The following PCED1B variants were observed in gnomAD, a reference collection of about 807,000 sequenced individuals.
PCED1B encodes the protein PC-esterase domain containing 1B.
For missense variants in PCED1B, 573 were observed against 573.9 expected (o/e 1.00, Z 0.02); for synonymous variants, 251 against 246.1 (o/e 1.02, Z -0.19).
At chr12:47,111,331 A>G (rs529955070) in intron 2 of PCED1B, among the ~76,000 whole-genome samples, 1 of 152,294 alleles carries the variant, frequency 6.6e-6, no homozygotes, top group African/African-American at 2.4e-5. Context: ...AGGATGGGAG[A>G]AAGATCACCA....
chr12:47,217,415 GAGAC>G (rs1943295050), intron 3 of PCED1B, among the ~76,000 whole-genome samples: 1 of 131,452 alleles, frequency 7.6e-6, no homozygotes, highest in Non-Finnish European at 1.6e-5. Context: ...GAGAGAGAGA[GAGAC>G]AGAGAAAGAA....
intron 2 of PCED1B, among the ~76,000 whole-genome samples, chr12:47,168,802 T>A (rs1294136867): frequency 3.9e-5 from 6 of 152,212 alleles, no homozygotes; most frequent in Admixed American, 1.3e-4. Context: ...TTGTTGTTTT[T>A]TCATAAGTAT....
intron 2 of PCED1B, among the ~76,000 whole-genome samples, chr12:47,132,003 A>T (rs1940151719): frequency 6.6e-6 from 1 of 152,166 alleles, no homozygotes; most frequent in Non-Finnish European, 1.5e-5. Flanking sequence ...TACTTACATA[A>T]AAAATAGGGA....
chr12:47,127,203 A>G (rs1939922412), intron 2 of PCED1B, among the ~76,000 whole-genome samples: 1 of 152,170 alleles, frequency 6.6e-6, no homozygotes, highest in East Asian at 1.9e-4. Context: ...ATACACATTT[A>G]CATTCAGACT....
intron 2 of PCED1B, among the ~76,000 whole-genome samples, chr12:47,170,870 T>C (rs773094149): frequency 6.6e-6 from 1 of 152,176 alleles, no homozygotes; most frequent in Non-Finnish European, 1.5e-5. Flanking sequence ...TCATTTTTGC[T>C]GATTTGTTCA....
Position 47,235,860 on chromosome 12 carries a change from T to C in PCED1B, c.797T>C (p.Ile266Thr). ...CACCGCCACCCCGTGGGCGAGTGGA[T>C]CAAGAAGAAAAAACCTGGCCCGAGA... ...LPHRHPVGEW[I>T]KKKKPGPRVE... The change falls in exon 4 of 4, where the codon ATC becomes ACC. Residue 266 changes from isoleucine to threonine, a missense_variant. Transcript: ENST00000546455. 1 of 1,578,514 alleles carries C rather than the reference T, an allele frequency of 6.3e-7. No homozygotes were observed. Among genetic ancestry groups the C allele is most frequent in the Non-Finnish European group, 8.6e-7 (1 of 1,162,500 alleles).
At chr12:47,209,227 C>T (rs1291576415) in intron 2 of PCED1B, 1 of 152,186 alleles carries the variant, frequency 6.6e-6, no homozygotes, top group Non-Finnish European at 1.5e-5. Flanking sequence ...CTCATGGAGA[C>T]AGTAAGAGCT....
chr12:47,186,833 C>CAA (rs1246211785), intron 2 of PCED1B, among the ~76,000 whole-genome samples: 1 of 152,164 alleles, frequency 6.6e-6, no homozygotes, highest in Non-Finnish European at 1.5e-5. Flanking sequence ...TAACACAGCA[C>CAA]AAAATCTTGT....
chr12:47,202,627 G>GA (rs905076532), intron 2 of PCED1B, among the ~76,000 whole-genome samples: 2 of 123,650 alleles, frequency 1.6e-5, no homozygotes, highest in African/African-American at 2.9e-5. Flanking sequence ...AAAGAAAAAA[G>GA]AAAAAAAATT....
At chr12:47,089,072 GC>G (rs964346520) in intron 1 of PCED1B, among the ~76,000 whole-genome samples, 4 of 152,074 alleles carry the variant, frequency 2.6e-5, no homozygotes. Flanking sequence ...CATTGACTTA[GC>G]CCAGCTTGAC....
At chr12:47,163,029 A>C (rs1224812370) in intron 2 of PCED1B, among the ~76,000 whole-genome samples, 1 of 152,212 alleles carries the variant, frequency 6.6e-6, no homozygotes, top group Non-Finnish European at 1.5e-5. Context: ...AAGCACTGAC[A>C]TCTCAACAAT....
chr12:47,207,933 G>T (rs1340706080), intron 2 of PCED1B, among the ~76,000 whole-genome samples: 1 of 152,098 alleles, frequency 6.6e-6, no homozygotes, highest in Non-Finnish European at 1.5e-5. Context: ...ACTTCCTCCT[G>T]AAATTTAAGT....
intron 2 of PCED1B, among the ~76,000 whole-genome samples, chr12:47,202,924 T>G (rs558190365): frequency 3.6e-4 from 54 of 151,932 alleles, no homozygotes; most frequent in African/African-American, 1.3e-3. Flanking sequence ...CCACTATACT[T>G]TCACCTCTGT....
chr12:47,149,754 G>A (rs1468958228), intron 2 of PCED1B, among the ~76,000 whole-genome samples: 2 of 152,202 alleles, frequency 1.3e-5, no homozygotes, highest in African/African-American at 4.8e-5. Context: ...AGGACAGGCA[G>A]CTGTTAGAAG....
intron 2 of PCED1B, among the ~76,000 whole-genome samples, chr12:47,206,757 C>CA (rs56132989): frequency 0.21 from 31,174 of 148,080 alleles, 4,065 homozygotes; most frequent in Non-Finnish European, 0.3. Context: ...GCCCCCGCAA[C>CA]AAAAAAAAAA....
At chr12:47,145,937 A>G (rs1177759124) in intron 2 of PCED1B, among the ~76,000 whole-genome samples, 1 of 152,236 alleles carries the variant, frequency 6.6e-6, no homozygotes, top group Admixed American at 6.5e-5. Context: ...TCATAAGGCT[A>G]CAGCTGCTAT....
intron 2 of PCED1B, among the ~76,000 whole-genome samples, chr12:47,123,080 T>C (rs928653240): frequency 1.3e-5 from 2 of 152,172 alleles, no homozygotes; most frequent in African/African-American, 4.8e-5. Context: ...TATGTAGAAA[T>C]CCTACTTTCT....
At chr12:47,166,851 CA>C (rs1941560122) in intron 2 of PCED1B, among the ~76,000 whole-genome samples, 1 of 151,986 alleles carries the variant, frequency 6.6e-6, no homozygotes, top group South Asian at 2.1e-4. Flanking sequence ...AAACAAATAA[CA>C]GACAGATTAA....
intron 2 of PCED1B, among the ~76,000 whole-genome samples, chr12:47,133,423 C>T (rs1481299602): frequency 2.0e-5 from 3 of 152,090 alleles, no homozygotes; most frequent in African/African-American, 7.2e-5. Flanking sequence ...CAAAAGTAGG[C>T]ATGTAATGTT....
Sources: allele counts gnomAD v4.1 joint callset (sites outside exome capture counted in the v4.1 genomes callset), GRCh38; gene constraint gnomAD v4.1.1; transcripts MANE v1.5; gene names NCBI Gene and HGNC (gene_info 2026-07-23, HGNC 2026-07-21).